FLT3: variants seen among roughly 807,000 people sequenced by gnomAD.
FLT3 encodes fms related receptor tyrosine kinase 3, also known as receptor-type tyrosine-protein kinase FLT3.
FLT3 carries 46 observed loss-of-function variants against 126.6 expected under a neutral mutation model. That is an observed-to-expected ratio of 0.36 (90% CI 0.29 to 0.46). The LOEUF is 0.46. Ranked by LOEUF, FLT3 falls within the 20% of genes least tolerant of loss-of-function variation. The pLI is 1.00. For synonymous variants in FLT3, 404 were observed against 434.4 expected (o/e 0.93, Z 0.87); for missense variants, 1,069 against 1,190.3 (o/e 0.90, Z 1.50).
At chr13:28,071,100 T>C (rs1426434346) in intron 1 of FLT3, among the ~76,000 whole-genome samples, 1 of 149,454 alleles carries the variant, frequency 6.7e-6, no homozygotes, top group Non-Finnish European at 1.5e-5. Context: ...GCTCAAGTGA[T>C]TCTCCTGTCT....
intron 9 of FLT3, among the ~76,000 whole-genome samples, chr13:28,041,808 T>C (rs1207364457): frequency 6.6e-6 from 1 of 152,070 alleles, no homozygotes; most frequent in African/African-American, 2.4e-5. Flanking sequence ...GAGTTTACAG[T>C]AAAACAATAC....
intron 19 of FLT3, among the ~76,000 whole-genome samples, chr13:28,022,331 G>C (rs1456283790): frequency 1.3e-5 from 2 of 152,084 alleles, no homozygotes; most frequent in Admixed American, 1.3e-4. Flanking sequence ...GGGCAACATG[G>C]TGAATTCCCA....
At chr13:28,038,498 G>T (rs1397707624) in intron 9 of FLT3, among the ~76,000 whole-genome samples, 4 of 151,174 alleles carry the variant, frequency 2.6e-5, no homozygotes, top group African/African-American at 9.7e-5. Flanking sequence ...TGTCTCCCAG[G>T]CTGGAGTGCA....
intron 9 of FLT3, among the ~76,000 whole-genome samples, chr13:28,037,824 G>C (rs1391187048): frequency 6.6e-6 from 1 of 152,158 alleles, no homozygotes; most frequent in Non-Finnish European, 1.5e-5. Context: ...CAGATCAGCA[G>C]AGGGATTAGA....
chr13:28,080,377 AAAAT>A (rs915967710), intron 1 of FLT3, among the ~76,000 whole-genome samples: 4 of 152,202 alleles, frequency 2.6e-5, no homozygotes, highest in African/African-American at 9.6e-5. Flanking sequence ...CTCCATCTCA[AAAAT>A]AAATAAATAA....
intron 2 of FLT3, 150 bp downstream of exon 2, chr13:28,070,341 G>A (rs1017458594): frequency 1.6e-6 from 1 of 612,016 alleles, no homozygotes. Context: ...GGAGCTAGGA[G>A]TATAGATGCT....
chr13:28,018,553 C>T lies in FLT3; in HGVS notation c.2455G>A (p.Val819Ile), dbSNP rs762392769. 3 of 1,614,182 alleles carry T rather than the reference C, an allele frequency of 1.9e-6. No homozygotes were observed. Among genetic ancestry groups the T allele is most frequent in the Admixed American group, 3.3e-5 (2 of 60,022 alleles). The stretch of plus-strand genomic sequence containing the variant: ...ATCTTCACCACTTTCCCGTGGGTGA[C>T]AAGCACGTTCCTGGCGGCCAGGTCT... ...HRDLAARNVL[V>I]THGKVVKICD... Residue 819 changes from valine to isoleucine, a missense_variant, in exon 20 of 24, where the codon GTC (valine) becomes ATC (isoleucine). Coordinates refer to ENST00000241453, the MANE Select transcript of FLT3 (RefSeq NM_004119.3).
chr13:28,006,511 C>T lies in FLT3; in HGVS notation c.2860-2337G>A, dbSNP rs747867504. ...TGAATCCAAATGTACATCTCTACCA[C>T]TGAATTTCTAACCACCTCATGAAGT... is the stretch of plus-strand genomic sequence containing the variant. On this transcript the variant is annotated intron_variant, in intron 23 of 23. Transcript: ENST00000241453. 9.2e-5 allele frequency among the ~76,000 whole-genome samples: 14 copies of T among 152,250 alleles called. No individual in the cohort carries two copies. The South Asian group carries it at 1.0e-3, about 11-fold the overall frequency.
intron 23 of FLT3, among the ~76,000 whole-genome samples, chr13:28,006,501 A>C (rs1286009490): frequency 2.0e-5 from 3 of 152,126 alleles, no homozygotes; most frequent in Non-Finnish European, 2.9e-5. Context: ...CCAAATGTAC[A>C]TCTCTACCAC....
At chr13:28,012,181 G>T (rs1871448544) in intron 23 of FLT3, among the ~76,000 whole-genome samples, 1 of 152,218 alleles carries the variant, frequency 6.6e-6, no homozygotes, top group Admixed American at 6.5e-5. Context: ...AGGGAACAGA[G>T]TGGAAGGAAC....
At chr13:28,098,661 C>A (rs1032180235) in intron 1 of FLT3, among the ~76,000 whole-genome samples, 3 of 152,070 alleles carry the variant, frequency 2.0e-5, no homozygotes, top group African/African-American at 7.2e-5. Context: ...ATATATAAAA[C>A]AATGTTCACA....
chr13:28,065,345 T>TA (rs1251788107), intron 2 of FLT3, among the ~76,000 whole-genome samples: 2 of 152,218 alleles, frequency 1.3e-5, no homozygotes, highest in Non-Finnish European at 2.9e-5. Flanking sequence ...AACAAGTAAT[T>TA]AAACCAACCA....
At chr13:28,063,289 G>A (rs905410497) in intron 2 of FLT3, among the ~76,000 whole-genome samples, 2 of 152,094 alleles carry the variant, frequency 1.3e-5, no homozygotes, top group African/African-American at 4.8e-5. Flanking sequence ...GACCAGCCTG[G>A]CCAACATGGT....
chr13:28,015,427 C>T (rs952023721), intron 21 of FLT3, among the ~76,000 whole-genome samples, 163 bp downstream of exon 21: 3 of 150,602 alleles, frequency 2.0e-5, no homozygotes, highest in Non-Finnish European at 4.4e-5. Context: ...AGGTTATAGA[C>T]CAGTGAGGAA....
intron 9 of FLT3, among the ~76,000 whole-genome samples, chr13:28,047,656 G>A (rs959693636): frequency 2.7e-5 from 4 of 148,900 alleles, no homozygotes; most frequent in Non-Finnish European, 5.9e-5. Context: ...AGGTTGCAGT[G>A]AGCCAATATT....
chr13:28,036,267 G>A (rs115820563), intron 10 of FLT3, among the ~76,000 whole-genome samples: 262 of 152,314 alleles, frequency 1.7e-3, no homozygotes, highest in African/African-American at 6.2e-3. Context: ...CTACAGTACA[G>A]GCTACCCATT....
At chr13:28,057,113 G>A (rs953222918) in intron 4 of FLT3, among the ~76,000 whole-genome samples, 4 of 152,108 alleles carry the variant, frequency 2.6e-5, no homozygotes, top group Non-Finnish European at 5.9e-5. Flanking sequence ...CGTCCCAGGC[G>A]TTTTTAGCAG....
chr13:28,027,030 G>A (rs2137650799), intron 17 of FLT3, 58 bp downstream of exon 17: 4 of 1,472,894 alleles, frequency 2.7e-6, no homozygotes, highest in Non-Finnish European at 3.8e-6. Context: ...TGTTTGAACA[G>A]CACACTTTGC....
At position 28,049,719 on chromosome 13, in the gene FLT3, T is replaced by C. The variant is rs1259656154; in HGVS notation, c.798A>G (p.Glu266=). ...CAGCTTTGCACCTTATCCATAAGGGTTCCCCTACTTTAAGAAATAATTGTG... is the reference window on the plus strand; with the variant it reads ...CAGCTTTGCACCTTATCCATAAGGGCTCCCCTACTTTAAGAAATAATTGTG... ...TLPQLFLKVG[E]PLWIRCKAVH... Residue 266 remains glutamate, a synonymous_variant, in exon 7 of 24, where the codon GAA becomes GAG. Coordinates refer to ENST00000241453, the MANE Select transcript of FLT3 (RefSeq NM_004119.3). 1 of 1,614,030 alleles carries C rather than the reference T, an allele frequency of 6.2e-7. No individual in the cohort carries two copies. The highest frequency in any genetic ancestry group is 8.5e-7 in the Non-Finnish European group (1 of 1,179,914).
Sources: allele counts gnomAD v4.1 joint callset (sites outside exome capture counted in the v4.1 genomes callset), GRCh38; gene constraint gnomAD v4.1.1; transcripts MANE v1.5; gene names NCBI Gene and HGNC (gene_info 2026-07-23, HGNC 2026-07-21).